The following NALF1 variants were observed in gnomAD, a reference collection of about 807,000 sequenced individuals.
NALF1 encodes family with sequence similarity 155 member A.
NALF1 carries 3 observed loss-of-function variants against 48.4 expected under a neutral mutation model. The observed-to-expected ratio is 0.06, with a 90% CI of 0.03 to 0.16. The LOEUF is 0.16. NALF1 is among the 10% of genes least tolerant of loss of function. The pLI is 1.00. For missense variants in NALF1, 526 were observed against 571.5 expected (o/e 0.92, Z 0.81); for synonymous variants, 262 against 245.7 (o/e 1.07, Z -0.62).
At chr13:107,211,318 TA>T (rs1276163904) in intron 1 of NALF1, among the ~76,000 whole-genome samples, 1 of 152,146 alleles carries the variant, frequency 6.6e-6, no homozygotes, top group Non-Finnish European at 1.5e-5. Flanking sequence ...CCAAATGCAT[TA>T]AAAATCTCAC....
At chr13:107,783,363 G>A (rs374273062) in intron 1 of NALF1, among the ~76,000 whole-genome samples, 93 of 152,022 alleles carry the variant, frequency 6.1e-4, no homozygotes, top group African/African-American at 2.0e-3. Flanking sequence ...TGGGAGGTGT[G>A]CCCAACAGCT....
At chr13:107,616,607 T>C (rs1332302052) in intron 1 of NALF1, among the ~76,000 whole-genome samples, 1 of 152,172 alleles carries the variant, frequency 6.6e-6, no homozygotes, top group Admixed American at 6.5e-5. Context: ...ACAAGATCCT[T>C]ACTCTTCCTT....
intron 1 of NALF1, among the ~76,000 whole-genome samples, chr13:107,459,177 T>G (rs1884875795): frequency 6.6e-6 from 1 of 152,056 alleles, no homozygotes; most frequent in African/African-American, 2.4e-5. Flanking sequence ...AGAGCTGGTA[T>G]CCAGTTCCAA....
At chr13:107,516,099 A>G (rs771622094) in intron 1 of NALF1, among the ~76,000 whole-genome samples, 1 of 152,216 alleles carries the variant, frequency 6.6e-6, no homozygotes, top group Non-Finnish European at 1.5e-5. Flanking sequence ...TAGGGTTTCA[A>G]TATTAACTGG....
chr13:107,172,232 C>G (rs1234012146), intron 2 of NALF1, among the ~76,000 whole-genome samples: 1 of 152,192 alleles, frequency 6.6e-6, no homozygotes, highest in Non-Finnish European at 1.5e-5. Context: ...GGGCTATTAG[C>G]ATTTTGCTTA....
intron 1 of NALF1, among the ~76,000 whole-genome samples, chr13:107,316,184 G>T (rs980360862): frequency 6.6e-6 from 1 of 152,116 alleles, no homozygotes; most frequent in African/African-American, 2.4e-5. Context: ...TGCTGAGAAT[G>T]ATGGTTTCCA....
At chr13:107,413,380 A>G (rs1370041397) in intron 1 of NALF1, among the ~76,000 whole-genome samples, 1 of 152,206 alleles carries the variant, frequency 6.6e-6, no homozygotes, top group African/African-American at 2.4e-5. Flanking sequence ...AACAATCTAC[A>G]TTAAAACCTC....
At chr13:107,561,692 G>C (rs1451533468) in intron 1 of NALF1, among the ~76,000 whole-genome samples, 1 of 152,108 alleles carries the variant, frequency 6.6e-6, no homozygotes, top group African/African-American at 2.4e-5. Flanking sequence ...TAATTTTTAA[G>C]ATTACCATCT....
intron 2 of NALF1, among the ~76,000 whole-genome samples, chr13:107,183,685 C>T (rs113008912): frequency 0.16 from 23,594 of 152,090 alleles, 2,009 homozygotes; most frequent in African/African-American, 0.23. Flanking sequence ...GAGTTCATGT[C>T]CTTTGCAGGG....
intron 1 of NALF1, among the ~76,000 whole-genome samples, chr13:107,244,623 T>G (rs958661290): frequency 2.0e-4 from 31 of 152,296 alleles, no homozygotes; most frequent in African/African-American, 7.2e-4. Flanking sequence ...CCCCTCCCTT[T>G]AGTCTGAGTA....
At chr13:107,318,444 T>C (rs1294040632) in intron 1 of NALF1, among the ~76,000 whole-genome samples, 2 of 152,068 alleles carry the variant, frequency 1.3e-5, no homozygotes, top group Non-Finnish European at 2.9e-5. Flanking sequence ...ATGTTATGAG[T>C]ACCACTTTTT....
At chr13:107,682,013 C>T (rs1305542192) in intron 1 of NALF1, among the ~76,000 whole-genome samples, 1 of 152,178 alleles carries the variant, frequency 6.6e-6, no homozygotes, top group Non-Finnish European at 1.5e-5. Context: ...CAGATGACCT[C>T]CTGGTCTTTT....
At chr13:107,506,059 T>C (rs1594099915) in intron 1 of NALF1, among the ~76,000 whole-genome samples, 1 of 152,174 alleles carries the variant, frequency 6.6e-6, no homozygotes. Context: ...AGAACAGTTT[T>C]AAAGACTTTT....
chr13:107,618,529 A>G (rs1478531821), intron 1 of NALF1, among the ~76,000 whole-genome samples: 1 of 152,218 alleles, frequency 6.6e-6, no homozygotes, highest in East Asian at 1.9e-4. Context: ...AAAAGACTGA[A>G]AGACAGGAGA....
intron 1 of NALF1, among the ~76,000 whole-genome samples, chr13:107,580,730 AG>A (rs1878282422): frequency 6.6e-6 from 1 of 152,202 alleles, no homozygotes; most frequent in Non-Finnish European, 1.5e-5. Context: ...TTGAGGAAAA[AG>A]CTTAAAACTT....
chr13:107,639,061 TC>T (rs557125853), intron 1 of NALF1, among the ~76,000 whole-genome samples: 21 of 152,234 alleles, frequency 1.4e-4, no homozygotes, highest in African/African-American at 5.1e-4. Flanking sequence ...TTACAGTACA[TC>T]CTCAATAAAA....
At chr13:107,555,268 A>T (rs1877427800) in intron 1 of NALF1, among the ~76,000 whole-genome samples, 1 of 151,304 alleles carries the variant, frequency 6.6e-6, no homozygotes, top group African/African-American at 2.4e-5. Flanking sequence ...ATTATTAATT[A>T]ATTAATTAAT....
intron 1 of NALF1, among the ~76,000 whole-genome samples, chr13:107,301,395 G>A (rs1419581113): frequency 2.0e-5 from 3 of 152,166 alleles, no homozygotes; most frequent in African/African-American, 7.2e-5. Context: ...ATAGGCAGCT[G>A]TTGAAATTAT....
rs183550497 is a variant in NALF1 at position 107,684,591 on chromosome 13, C to T, written c.915+181091G>A. On this transcript the variant is annotated intron_variant, in intron 1 of 2. Transcript: ENST00000375915. ...ATCTGCCCAATGTTCCTTTCATCCC[C>T]AATTTAACTTTGGAACACACTTTTC... Among the ~76,000 whole-genome samples the T allele has an allele frequency of 1.9e-3, 291 of 152,182 alleles. 1 individual carries two copies. Among genetic ancestry groups the T allele is most frequent in the African/African-American group, 6.7e-3 (280 of 41,510 alleles).
Sources: allele counts gnomAD v4.1 joint callset (sites outside exome capture counted in the v4.1 genomes callset), GRCh38; gene constraint gnomAD v4.1.1; transcripts MANE v1.5; gene names NCBI Gene and HGNC (gene_info 2026-07-23, HGNC 2026-07-21).